Variants in TTLL5 observed in about 807,000 individuals in gnomAD.
The protein encoded by TTLL5 is tubulin tyrosine ligase like 5, also known as tubulin polyglutamylase TTLL5.
A neutral mutation model predicts 168.4 loss-of-function variants in TTLL5; 132 were observed. The observed-to-expected ratio is 0.78, with a 90% CI of 0.68 to 0.91. The LOEUF is 0.91. Among genes scored for constraint, TTLL5 ranks in the 40% least tolerant of loss-of-function variants. The pLI, the probability that TTLL5 is intolerant of heterozygous loss-of-function variation, is 0.00. For synonymous variants in TTLL5, 546 were observed against 558.6 expected, an observed-to-expected ratio of 0.98 and a Z score of 0.32; for missense variants, 1,545 against 1,581.5, an observed-to-expected ratio of 0.98 and a Z score of 0.39.
chr14:75,820,105 G>C lies in TTLL5; in HGVS notation c.3270G>C (p.Trp1090Cys), dbSNP rs1341566279. The C allele has an allele frequency of 3.7e-6, 6 of 1,604,692 alleles. No homozygotes were observed. Among genetic ancestry groups the C allele is most frequent in the Non-Finnish European group, 5.1e-6 (6 of 1,176,112 alleles). Residue 1090 changes from tryptophan to cysteine, a missense_variant, in exon 28 of 32, where the codon TGG (tryptophan) becomes TGC (cysteine). Physicochemically the swap from Trp to Cys is radical, Grantham distance 215. Transcript: ENST00000298832. ...TCATCAGTCCTAGTGGCCCGACATG[G>C]TCTACACAGTCAGACCCCCAAGCTC... is the stretch of plus-strand genomic sequence containing the variant. ...RPIISPSGPT[W>C]STQSDPQAPE...
At chr14:75,805,005 C>T (rs1024471047) in intron 27 of TTLL5, among the ~76,000 whole-genome samples, 1 of 152,182 alleles carries the variant, frequency 6.6e-6, no homozygotes, top group Non-Finnish European at 1.5e-5. Flanking sequence ...CTTACTTGTA[C>T]TGCCAAACTT....
At chr14:75,759,995 A>G (rs994415880) in intron 18 of TTLL5, among the ~76,000 whole-genome samples, 5 of 152,230 alleles carry the variant, frequency 3.3e-5, no homozygotes, top group African/African-American at 7.2e-5. Flanking sequence ...CACGTTGTAC[A>G]TTAGTATAGT....
chr14:75,882,983 C>G (rs1566644363), intron 30 of TTLL5, 81 bp downstream of exon 30: 2 of 1,427,454 alleles, frequency 1.4e-6, no homozygotes, highest in African/African-American at 2.9e-5. Flanking sequence ...CTCTTCAAGA[C>G]CGTTCGTACT....
chr14:75,767,822 G>A (rs1253143919), intron 20 of TTLL5, among the ~76,000 whole-genome samples: 1 of 152,192 alleles, frequency 6.6e-6, no homozygotes, highest in African/African-American at 2.4e-5. Flanking sequence ...GAGCCAGGAA[G>A]ATGAAGGCCT....
intron 17 of TTLL5, among the ~76,000 whole-genome samples, chr14:75,749,685 TCTAA>T (rs1889831359): frequency 6.6e-6 from 1 of 152,196 alleles, no homozygotes; most frequent in Admixed American, 6.5e-5. Context: ...GGTAAGTTAC[TCTAA>T]CTCTCTTGGT....
chr14:75,791,497 C>G (rs1346003729), intron 26 of TTLL5, among the ~76,000 whole-genome samples: 3 of 150,500 alleles, frequency 2.0e-5, no homozygotes, highest in African/African-American at 7.4e-5. Context: ...GCAAAATTAT[C>G]TGGTATTTTG....
intron 28 of TTLL5, chr14:75,838,708 T>A (rs1439103269): frequency 6.5e-6 from 1 of 152,748 alleles, no homozygotes; most frequent in Non-Finnish European, 1.5e-5. Flanking sequence ...GGACCTAAGA[T>A]GTTGACAGTG....
intron 28 of TTLL5, among the ~76,000 whole-genome samples, chr14:75,862,852 G>C (rs2030141005): frequency 6.6e-6 from 1 of 152,124 alleles, no homozygotes; most frequent in South Asian, 2.1e-4. Context: ...AGGCTGAGGT[G>C]GGAGGATCAC....
intron 29 of TTLL5, among the ~76,000 whole-genome samples, chr14:75,881,960 CTTTA>C (rs2031837263): frequency 6.6e-6 from 1 of 152,122 alleles, no homozygotes; most frequent in Non-Finnish European, 1.5e-5. Flanking sequence ...ATTTTTAGGT[CTTTA>C]TTTATAGGCT....
At chr14:75,679,509 G>A (rs1884439278) in intron 3 of TTLL5, among the ~76,000 whole-genome samples, 1 of 152,192 alleles carries the variant, frequency 6.6e-6, no homozygotes. Context: ...CAACAAATGT[G>A]TTGTAATTTG....
At chr14:75,767,159 A>G (rs956056900) in intron 20 of TTLL5, among the ~76,000 whole-genome samples, 33 of 74,920 alleles carry the variant, frequency 4.4e-4, no homozygotes, top group African/African-American at 1.7e-3. Flanking sequence ...GTGAAACTCC[A>G]TCTTAAAAAA....
chr14:75,789,147 G>A (rs374804699), intron 26 of TTLL5, among the ~76,000 whole-genome samples: 29 of 152,222 alleles, frequency 1.9e-4, no homozygotes, highest in East Asian at 9.7e-4. Context: ...GCCTAAATAC[G>A]GAAATGTTGA....
At chr14:75,846,556 C>T (rs1296715127) in intron 28 of TTLL5, among the ~76,000 whole-genome samples, 7 of 151,948 alleles carry the variant, frequency 4.6e-5, no homozygotes, top group African/African-American at 1.2e-4. Context: ...TTTGGGAGGC[C>T]GAGGCGGGCG....
intron 3 of TTLL5, among the ~76,000 whole-genome samples, chr14:75,676,768 CTT>C (rs779894993): frequency 1.4e-5 from 2 of 138,486 alleles, no homozygotes; most frequent in Non-Finnish European, 1.6e-5. Context: ...TAGCATTTTA[CTT>C]TTTTTTTTTT....
chr14:75,885,287 G>A (rs1315594915), intron 30 of TTLL5, among the ~76,000 whole-genome samples: 2 of 152,136 alleles, frequency 1.3e-5, no homozygotes, highest in South Asian at 2.1e-4. Flanking sequence ...TCGGGAGATC[G>A]AGACCATCCT....
intron 27 of TTLL5, among the ~76,000 whole-genome samples, chr14:75,815,499 C>T (rs1354184646): frequency 6.6e-6 from 1 of 152,208 alleles, no homozygotes; most frequent in Non-Finnish European, 1.5e-5. Flanking sequence ...AAAGTAATTT[C>T]ATGATCAAGT....
intron 27 of TTLL5, among the ~76,000 whole-genome samples, chr14:75,796,903 A>G (rs374676754): frequency 6.6e-6 from 1 of 152,150 alleles, no homozygotes; most frequent in Non-Finnish European, 1.5e-5. Context: ...TGTTTTGGCT[A>G]TGCAGGCTCT....
At chr14:75,708,521 T>G (rs1334401326) in intron 9 of TTLL5, among the ~76,000 whole-genome samples, 1 of 152,044 alleles carries the variant, frequency 6.6e-6, no homozygotes, top group Non-Finnish European at 1.5e-5. Flanking sequence ...GAGACGAGGT[T>G]TCACTGTGTT....
chr14:75,796,015 C>T (rs59504641), intron 27 of TTLL5, among the ~76,000 whole-genome samples: 2,264 of 152,266 alleles, frequency 0.015, 55 homozygotes, highest in African/African-American at 0.052. Context: ...ATAGTGTTTT[C>T]CATAATGGTT....
Sources: gnomAD v4.1 joint callset for allele counts (sites outside exome capture counted in the v4.1 genomes callset) on GRCh38, gnomAD v4.1.1 for gene constraint, MANE v1.5 for transcripts, NCBI Gene and HGNC (gene_info 2026-07-23, HGNC 2026-07-21) for gene names.